The following SLC29A4 variants were observed in gnomAD, a reference collection of about 807,000 sequenced individuals.
The protein encoded by SLC29A4 is equilibrative nucleoside transporter 4.
Under a neutral mutation model 43.9 loss-of-function variants are expected in SLC29A4, and 36 were observed. The observed-to-expected ratio is 0.82, with a 90% CI of 0.63 to 1.08. SLC29A4 has a LOEUF of 1.08. Among genes scored for constraint, SLC29A4 ranks in the 50% least tolerant of loss-of-function variants. SLC29A4 has a pLI of 0.00. For synonymous variants in SLC29A4, 491 were observed against 338.0 expected, an observed-to-expected ratio of 1.45 and a Z score of -4.97; for missense variants, 869 against 755.3, an observed-to-expected ratio of 1.15 and a Z score of -1.77.
chr7:5,297,098 A>G lies in SLC29A4; in HGVS notation c.782A>G (p.Tyr261Cys). Reference sequence around the variant, plus strand: ...CGGCGCAGCCGCTTCGTGCTCTTCTATACCACACGGCCGCGTGACAGCCAC... The same window carrying G: ...CGGCGCAGCCGCTTCGTGCTCTTCTGTACCACACGGCCGCGTGACAGCCAC... ...LVRRSRFVLF[Y>C]TTRPRDSHRG... The change falls in exon 7 of 11, where the codon TAT (tyrosine) becomes TGT (cysteine). Residue 261 changes from tyrosine to cysteine, a missense_variant. Coordinates refer to ENST00000396872, the MANE Select transcript of SLC29A4 (RefSeq NM_153247.4). 1 of 1,607,718 alleles carries G rather than the reference A, an allele frequency of 6.2e-7. No homozygotes were observed. The highest frequency in any genetic ancestry group is 8.5e-7 in the Non-Finnish European group (1 of 1,179,708).
chr7:5,298,434 T>C (rs1221768415), intron 7 of SLC29A4, among the ~76,000 whole-genome samples: 3 of 151,746 alleles, frequency 2.0e-5, no homozygotes, highest in African/African-American at 7.3e-5. Context: ...GATGCTCTGG[T>C]TGGTTTGGTC....
chr7:5,289,326 G>A (rs62441132), intron 2 of SLC29A4, among the ~76,000 whole-genome samples: 8,122 of 152,270 alleles, frequency 0.053, 253 homozygotes, highest in Middle Eastern at 0.088. Context: ...GAGCCCAGGA[G>A]GGGGTGGTCG....
chr7:5,287,749 T>G, intron 1 of SLC29A4, 60 bp from the exon 2 acceptor site: 6 of 1,546,058 alleles, frequency 3.9e-6, no homozygotes, highest in Non-Finnish European at 5.3e-6. Flanking sequence ...GGTCAGTGCA[T>G]GAGCCATGGA....
intron 1 of SLC29A4, among the ~76,000 whole-genome samples, chr7:5,283,387 G>GCGCCACCCCATCGCTCCCCTGCCCC (rs1784769930): frequency 6.6e-6 from 1 of 151,758 alleles, no homozygotes; most frequent in Admixed American, 6.6e-5. Flanking sequence ...GGACCCCCCC[G>GCGCCACCCCATCGCTCCCCTGCCCC]CGCCACCCCA....
In SLC29A4 at chr7:5,302,796, G is replaced by T. The variant is rs1264372007; in HGVS notation, c.1451-1G>T. On this transcript the variant is annotated splice_acceptor_variant, in intron 10 of 10. Coordinates refer to ENST00000396872, the MANE Select transcript of SLC29A4 (RefSeq NM_153247.4). LOFTEE classifies it high-confidence loss of function. ...TCCCCTCAGGCTGGTGTTGTCCACA[G>T]GGAACACCATGACCGTGTCCTACAT... 2.6e-6 allele frequency: 4 copies of T among 1,555,102 alleles called. No individual in the cohort carries two copies.
At chr7:5,292,056 G>C (rs1352199969) in intron 5 of SLC29A4, among the ~76,000 whole-genome samples, 1 of 152,234 alleles carries the variant, frequency 6.6e-6, no homozygotes, top group Non-Finnish European at 1.5e-5. Flanking sequence ...GGCAGCCCCT[G>C]GTTTCCCTGG....
In SLC29A4 at chr7:5,300,575, C is replaced by T. The variant is rs760756705; in HGVS notation, c.1363C>T (p.Leu455Phe). ...CGCCTGGCCCTGCATCTTCTCACTG[C>T]TCATGGGCATCAGCAACGGCTACTT... is the stretch of plus-strand genomic sequence containing the variant. ...HPAWPCIFSL[L>F]MGISNGYFGS... The change falls in exon 10 of 11, where the codon CTC (leucine) becomes TTC (phenylalanine). Residue 455 changes from leucine to phenylalanine, a missense_variant. Transcript: ENST00000396872. 3.1e-6 allele frequency: 5 copies of T among 1,612,264 alleles called. No individual in the cohort carries two copies. The highest frequency in any genetic ancestry group is 2.2e-5 in the East Asian group (1 of 44,878).
Position 5,292,136 on chromosome 7 carries a change from G to C in SLC29A4, c.544+315G>C, listed in dbSNP as rs544317874. Reference sequence around the variant, plus strand: ...ACTGTTTATCTTGGGCAATGGCTTTGATCTGACTTTGTCACCCAGGCTAGA... The same window carrying C: ...ACTGTTTATCTTGGGCAATGGCTTTCATCTGACTTTGTCACCCAGGCTAGA... On this transcript the variant is annotated intron_variant, in intron 5 of 10. Transcript: ENST00000396872. 7.2e-5 allele frequency among the ~76,000 whole-genome samples: 11 copies of C among 152,302 alleles called. No homozygotes were observed. The East Asian group carries it at 1.5e-3, about 21-fold the overall frequency.
chr7:5,298,983 T>G lies in SLC29A4; in HGVS notation c.883-5T>G. On this transcript the variant is annotated splice_polypyrimidine_tract_variant and splice_region_variant and intron_variant, in intron 7 of 10. Coordinates refer to ENST00000396872, the MANE Select transcript of SLC29A4 (RefSeq NM_153247.4). ...CAACCCCATCCCACTCCATCCTCCCTCCAGGAGCACCCAGCCCCGGCCCTG... is the reference window on the plus strand; with the variant it reads ...CAACCCCATCCCACTCCATCCTCCCGCCAGGAGCACCCAGCCCCGGCCCTG... The G allele has an allele frequency of 3.1e-6, 5 of 1,607,306 alleles. No individual in the cohort carries two copies. Among genetic ancestry groups the G allele is most frequent in the Non-Finnish European group, 4.2e-6 (5 of 1,179,284 alleles).
At chr7:5,285,271 C>CCCCCAA (rs1466586965) in intron 1 of SLC29A4, among the ~76,000 whole-genome samples, 5 of 150,982 alleles carry the variant, frequency 3.3e-5, no homozygotes, top group Admixed American at 1.3e-4. Flanking sequence ...CCCCACCCCA[C>CCCCCAA]CCCCAACCCC....
intron 1 of SLC29A4, among the ~76,000 whole-genome samples, chr7:5,284,279 C>G (rs371481147): frequency 6.6e-6 from 1 of 151,888 alleles, no homozygotes; most frequent in Non-Finnish European, 1.5e-5. Context: ...CCTGCCTTGC[C>G]CATAGCAGTG....
intron 2 of SLC29A4, among the ~76,000 whole-genome samples, chr7:5,290,523 A>G (rs1583655418): frequency 6.6e-6 from 1 of 152,106 alleles, no homozygotes; most frequent in Non-Finnish European, 1.5e-5. Flanking sequence ...AGTGGCTGTG[A>G]GGGCGTGGGT....
chr7:5,289,705 T>A (rs1785181917), intron 2 of SLC29A4, among the ~76,000 whole-genome samples: 1 of 152,026 alleles, frequency 6.6e-6, no homozygotes, highest in South Asian at 2.1e-4. Flanking sequence ...GGTCCCCCCC[T>A]TGCCGGTGTG....
Position 5,306,546 on chromosome 7 carries a change from C to G in SLC29A4, c.*3607C>G, listed in dbSNP as rs1004465004. ...ATGGGGTTTCACCATATTGGCCAGGCTGGTCTCGAACTCCTGACTTCAAGT... is the reference window on the plus strand; with the variant it reads ...ATGGGGTTTCACCATATTGGCCAGGGTGGTCTCGAACTCCTGACTTCAAGT... On this transcript the variant is annotated 3_prime_UTR_variant, in exon 11 of 11. Transcript: ENST00000396872. 2 of 152,164 alleles carry G rather than the reference C, an allele frequency of 1.3e-5. No homozygotes were observed. Among genetic ancestry groups the G allele is most frequent in the Non-Finnish European group, 2.9e-5 (2 of 68,026 alleles). The allele number at this position is 152,164 out of a possible 1,614,324, so 9.4% of individuals were successfully genotyped here. A position where few individuals can be genotyped will look rare whatever the true frequency, so the allele number is the denominator to read the frequency against.
intron 6 of SLC29A4, among the ~76,000 whole-genome samples, chr7:5,295,412 C>T (rs968542831): frequency 1.3e-5 from 2 of 152,212 alleles, no homozygotes; most frequent in Non-Finnish European, 2.9e-5. Flanking sequence ...ACGTCTCCTC[C>T]ACCCACCCTG....
chr7:5,292,287 A>G (rs1785358553), intron 5 of SLC29A4, among the ~76,000 whole-genome samples: 1 of 152,026 alleles, frequency 6.6e-6, no homozygotes, highest in Admixed American at 6.6e-5. Context: ...ATTTTTAAAA[A>G]TTGTTTGTAG....
intron 2 of SLC29A4, among the ~76,000 whole-genome samples, chr7:5,290,122 C>G (rs539882195): frequency 1.4e-4 from 21 of 146,800 alleles, no homozygotes; most frequent in African/African-American, 4.8e-4. Flanking sequence ...GGCGCGATCT[C>G]GGCTCACTGC....
rs1011927096 is a variant in SLC29A4, at chr7:5,296,210, C to T, written c.620-726C>T. 8.5e-5 allele frequency among the ~76,000 whole-genome samples: 13 copies of T among 152,078 alleles called. 1 individual carries two copies. Among genetic ancestry groups the T allele is most frequent in the Admixed American group, 5.2e-4 (8 of 15,278 alleles). On this transcript the variant is annotated intron_variant, in intron 6 of 10. Transcript: ENST00000396872. ...GGGACAGGGGCCCTCTAACTGCCCC[C>T]CACCTCTGCGCGCCCTCTGTTCCAT...
At chr7:5,288,412 C>T (rs966021955) in intron 2 of SLC29A4, among the ~76,000 whole-genome samples, 1 of 142,512 alleles carries the variant, frequency 7.0e-6, no homozygotes, top group African/African-American at 2.6e-5. Flanking sequence ...TCACGCCATT[C>T]TCCTGCCTCA....
Sources: allele counts gnomAD v4.1 joint callset (sites outside exome capture counted in the v4.1 genomes callset), GRCh38; gene constraint gnomAD v4.1.1; transcripts MANE v1.5; gene names NCBI Gene and HGNC (gene_info 2026-07-23, HGNC 2026-07-21).